Variants in CDON observed in about 807,000 individuals in gnomAD.
CDON encodes cell adhesion molecule-related/down-regulated by oncogenes.
In CDON, 73 loss-of-function variants were observed where a neutral mutation model predicts 120.9. That is an observed-to-expected ratio of 0.60 (90% CI 0.50 to 0.73). The LOEUF is 0.73. CDON is among the 30% of genes least tolerant of loss of function. The pLI, the probability that CDON is intolerant of heterozygous loss-of-function variation, is 0.00. For missense variants in CDON, 1,470 were observed against 1,587.3 expected (o/e 0.93, Z 1.26); for synonymous variants, 566 against 573.5 (o/e 0.99, Z 0.19).
At chr11:126,001,141 A>T (rs1591372215) in intron 11 of CDON, among the ~76,000 whole-genome samples, 1 of 152,254 alleles carries the variant, frequency 6.6e-6, no homozygotes, top group Admixed American at 6.5e-5. Context: ...TCAGAGTTCA[A>T]AATATAAATG....
chr11:125,978,711 T>C (rs903960991), intron 17 of CDON, among the ~76,000 whole-genome samples: 1 of 152,232 alleles, frequency 6.6e-6, no homozygotes, highest in Non-Finnish European at 1.5e-5. Flanking sequence ...GGGCTCAAAA[T>C]ACATTATATG....
At chr11:126,013,732 G>C (rs527618504) in intron 7 of CDON, among the ~76,000 whole-genome samples, 20 of 152,022 alleles carry the variant, frequency 1.3e-4, no homozygotes, top group Non-Finnish European at 2.2e-4. Context: ...ACTTTACAAA[G>C]GGCCAACCTC....
intron 1 of CDON, among the ~76,000 whole-genome samples, chr11:126,051,937 C>T (rs983951856): frequency 7.9e-5 from 12 of 152,166 alleles, no homozygotes; most frequent in African/African-American, 1.7e-4. Flanking sequence ...GCATGAACCA[C>T]CGCACCTGGC....
intron 18 of CDON, among the ~76,000 whole-genome samples, chr11:125,973,747 T>C (rs777376710): frequency 2.6e-5 from 4 of 152,214 alleles, no homozygotes; most frequent in Non-Finnish European, 4.4e-5. Flanking sequence ...AGCTCTAAAC[T>C]TATTTCCTTC....
intron 18 of CDON, among the ~76,000 whole-genome samples, chr11:125,973,715 A>G (rs930165078): frequency 6.6e-6 from 1 of 152,132 alleles, no homozygotes; most frequent in Non-Finnish European, 1.5e-5. Flanking sequence ...GATTGTGTAT[A>G]AATGGTCCCC....
At chr11:126,047,802 G>A (rs1056564303) in intron 1 of CDON, among the ~76,000 whole-genome samples, 1 of 152,076 alleles carries the variant, frequency 6.6e-6, no homozygotes, top group Non-Finnish European at 1.5e-5. Flanking sequence ...ATAATACACT[G>A]CCCAAAAATG....
rs528220248 is a variant in CDON, at chr11:126,029,032, C to A, written c.-61-5495G>T. On this transcript the variant is annotated intron_variant, in intron 1 of 19. Transcript: ENST00000531738. ...TGTTCCAAAAAGAGGCCCCCAATAG[C>A]CAACCCCATCCCTCACAACCAAAAT... 1.7e-3 allele frequency among the ~76,000 whole-genome samples: 261 copies of A among 152,152 alleles called. 2 individuals are homozygous for A. The highest frequency in any genetic ancestry group is 5.0e-3 in the African/African-American group (208 of 41,534).
At chr11:125,967,719 G>A (rs567695996) in intron 18 of CDON, among the ~76,000 whole-genome samples, 14 of 152,224 alleles carry the variant, frequency 9.2e-5, no homozygotes, top group Admixed American at 3.3e-4. Flanking sequence ...TCACTGCACC[G>A]TTGACCTCCC....
intron 1 of CDON, among the ~76,000 whole-genome samples, chr11:126,036,977 A>G (rs1251767394): frequency 6.6e-6 from 1 of 152,132 alleles, no homozygotes; most frequent in Non-Finnish European, 1.5e-5. Context: ...CATGTGAGCC[A>G]CCATACCCAG....
intron 1 of CDON, among the ~76,000 whole-genome samples, chr11:126,031,048 A>C (rs1947929304): frequency 6.6e-6 from 1 of 152,220 alleles, no homozygotes. Flanking sequence ...CACGAACATA[A>C]TTATCTCCAG....
Position 125,960,246 on chromosome 11 carries a change from A to C in CDON, c.*696T>G, listed in dbSNP as rs566390376. On this transcript the variant is annotated 3_prime_UTR_variant, in exon 20 of 20. Coordinates refer to ENST00000531738, the MANE Select transcript of CDON (RefSeq NM_001378964.1). The stretch of plus-strand genomic sequence containing the variant: ...GCCAGACGTGGTGGCTCACGCCTGT[A>C]ATCCTCGCACTTTGGGAGGCGGAGG... The C allele has an allele frequency of 1.3e-5, 2 of 152,766 alleles. No homozygotes were observed. The highest frequency in any genetic ancestry group is 3.8e-4 in the East Asian group (2 of 5,200). The allele number at this position is 152,766 out of a possible 1,614,324, so 9.5% of individuals were successfully genotyped here.
In CDON at chr11:126,004,279, T is replaced by C. The variant is rs1432713080; in HGVS notation, c.1852-203A>G. 8 of 609,778 alleles carry C rather than the reference T, an allele frequency of 1.3e-5. No homozygotes were observed. The East Asian group carries it at 2.1e-4, about 16-fold the overall frequency. 37.8% of individuals were successfully genotyped at this position (609,778 alleles called of 1,614,324 possible). A position where few individuals can be genotyped will look rare whatever the true frequency, so the allele number is the denominator to read the frequency against. ...TGCAAGAACGCTGCAATTCTCACTGTAGAAAGACTCCTGGCTCTGCATCTG... is the reference window on the plus strand; with the variant it reads ...TGCAAGAACGCTGCAATTCTCACTGCAGAAAGACTCCTGGCTCTGCATCTG... On this transcript the variant is annotated intron_variant, in intron 9 of 19. Transcript: ENST00000531738.
intron 1 of CDON, among the ~76,000 whole-genome samples, chr11:126,054,886 C>A (rs1362056341): frequency 6.6e-6 from 1 of 152,074 alleles, no homozygotes; most frequent in East Asian, 1.9e-4. Flanking sequence ...AATTATGATA[C>A]GTATCAGTGC....
intron 18 of CDON, among the ~76,000 whole-genome samples, chr11:125,976,353 A>T (rs914784709): frequency 6.6e-6 from 1 of 152,194 alleles, no homozygotes; most frequent in Non-Finnish European, 1.5e-5. Context: ...AATGCAGGCA[A>T]GTAAAGACTT....
intron 1 of CDON, among the ~76,000 whole-genome samples, chr11:126,033,476 A>T (rs1200412363): frequency 1.3e-5 from 2 of 152,192 alleles, no homozygotes; most frequent in African/African-American, 2.4e-5. Context: ...ATTCAAAATA[A>T]ACCACACTAT....
At chr11:126,011,455 G>C (rs963518357) in intron 7 of CDON, among the ~76,000 whole-genome samples, 1 of 151,994 alleles carries the variant, frequency 6.6e-6, no homozygotes, top group Non-Finnish European at 1.5e-5. Flanking sequence ...TATCTCACTG[G>C]TCAGAACATG....
intron 7 of CDON, 96 bp from the exon 8 acceptor site, chr11:126,010,790 G>T: frequency 3.1e-6 from 3 of 972,620 alleles, no homozygotes; most frequent in Non-Finnish European, 4.8e-6. Context: ...TGGGAGTAAT[G>T]ATTAAAACCA....
chr11:126,016,525 C>T (rs566296064), intron 6 of CDON, among the ~76,000 whole-genome samples: 16 of 152,130 alleles, frequency 1.1e-4, no homozygotes, highest in Non-Finnish European at 1.3e-4. Context: ...CTCCACCTCC[C>T]GGGTTCAAAC....
chr11:125,994,951 A>T lies in CDON; in HGVS notation c.2464T>A (p.Phe822Ile). The change falls in exon 13 of 20, where the codon TTT becomes ATT. Residue 822 changes from phenylalanine (F) to isoleucine (I), a missense_variant. By Grantham distance (21) the Phe-to-Ile change is conservative (BLOSUM62 0). Transcript: ENST00000531738. ...GGTCCAGTTATTGGACGGCTGGAAA[A>T]GCGATTGGGGAACCCAACCACTTGA... Reference protein sequence around the residue: ...PYQVVGFPNRFSSRPITGPHI... With the variant: ...PYQVVGFPNRISSRPITGPHI... The T allele has an allele frequency of 1.9e-6, 3 of 1,614,172 alleles. No homozygotes were observed. In the South Asian group the frequency reaches 3.3e-5, roughly 18 times the overall value.
Sources: allele counts gnomAD v4.1 joint callset (sites outside exome capture counted in the v4.1 genomes callset), GRCh38; gene constraint gnomAD v4.1.1; transcripts MANE v1.5; gene names NCBI Gene and HGNC (gene_info 2026-07-23, HGNC 2026-07-21).